LOC128462377: variants seen among roughly 807,000 people sequenced by gnomAD.
the LOC128462377 span, among the ~76,000 whole-genome samples, chr16:89,334,777 C>T: frequency 1.3e-5 from 2 of 152,134 alleles, no homozygotes; most frequent in Non-Finnish European, 2.9e-5. Flanking sequence ...TGCAAAAAGC[C>T]CACCCACGTG....
the LOC128462377 span, among the ~76,000 whole-genome samples, chr16:89,395,217 A>G: frequency 1.3e-5 from 2 of 152,370 alleles, no homozygotes; most frequent in East Asian, 3.9e-4. Flanking sequence ...GCGTCTTAAC[A>G]GAAAGAATTA....
chr16:89,415,576 T>C, the LOC128462377 span, among the ~76,000 whole-genome samples: 1 of 151,638 alleles, frequency 6.6e-6, no homozygotes, highest in African/African-American at 2.4e-5. Flanking sequence ...CTATTCTTTT[T>C]TTAAACCCTG....
At chr16:89,343,353 T>C in the LOC128462377 span, among the ~76,000 whole-genome samples, 4 of 152,244 alleles carry the variant, frequency 2.6e-5, no homozygotes, top group Admixed American at 2.0e-4. Context: ...TGACATTTAG[T>C]TATAAGCTCC....
At chr16:89,381,058 C>A in the LOC128462377 span, among the ~76,000 whole-genome samples, 1 of 152,158 alleles carries the variant, frequency 6.6e-6, no homozygotes, top group African/African-American at 2.4e-5. Flanking sequence ...CGAGGTGGCT[C>A]AGGCCTGTCA....
chr16:89,323,636 C>G, the LOC128462377 span: 3 of 325,010 alleles, frequency 9.2e-6, no homozygotes. Flanking sequence ...GACAGAGGCC[C>G]TCACAGGAAC....
the LOC128462377 span, among the ~76,000 whole-genome samples, chr16:89,321,854 A>G: frequency 6.6e-6 from 1 of 152,204 alleles, no homozygotes; most frequent in African/African-American, 2.4e-5. Flanking sequence ...CTCCTGAGAC[A>G]GCAAGACCCA....
chr16:89,370,276 C>A, the LOC128462377 span, among the ~76,000 whole-genome samples: 4 of 152,200 alleles, frequency 2.6e-5, no homozygotes, highest in Non-Finnish European at 4.4e-5. Flanking sequence ...TGGGCCTGTG[C>A]CCAACTATGT....
At chr16:89,318,516 T>C in the LOC128462377 span, among the ~76,000 whole-genome samples, 7 of 152,278 alleles carry the variant, frequency 4.6e-5, no homozygotes, top group East Asian at 1.2e-3. Flanking sequence ...CATTTACCCA[T>C]CTCGCTCATG....
At chr16:89,322,439 G>A in the LOC128462377 span, among the ~76,000 whole-genome samples, 15 of 152,348 alleles carry the variant, frequency 9.8e-5, no homozygotes, top group African/African-American at 3.4e-4. Context: ...ATCGAATGGT[G>A]CCCAAGGCCC....
chr16:89,336,260 T>C, the LOC128462377 span, among the ~76,000 whole-genome samples: 12 of 152,182 alleles, frequency 7.9e-5, no homozygotes, highest in African/African-American at 2.7e-4. Context: ...CTGGACCTGG[T>C]GCCTGGCTGG....
At chr16:89,345,309 A>G in the LOC128462377 span, among the ~76,000 whole-genome samples, 7 of 148,924 alleles carry the variant, frequency 4.7e-5, no homozygotes, top group African/African-American at 1.5e-4. Context: ...ACGGATGGAA[A>G]GCACTCGACC....
chr16:89,331,997 A>T, the LOC128462377 span, among the ~76,000 whole-genome samples: 7 of 152,088 alleles, frequency 4.6e-5, no homozygotes, highest in Admixed American at 6.5e-5. Context: ...AAAAAAATTT[A>T]AAAACTCAGT....
At chr16:89,334,144 TAAAAAAAAAAAAAAAA>T in the LOC128462377 span, among the ~76,000 whole-genome samples, 3 of 41,416 alleles carry the variant, frequency 7.2e-5, no homozygotes, top group Non-Finnish European at 1.4e-4. Context: ...CCCTGTGTTT[TAAAAAAAAAAAAAAAA>T]AAAAAAAAAA....
At chr16:89,365,195 C>A in the LOC128462377 span, among the ~76,000 whole-genome samples, 13 of 152,276 alleles carry the variant, frequency 8.5e-5, no homozygotes, top group Middle Eastern at 3.4e-3. Context: ...TGATGACTAT[C>A]TTGTTGGCTG....
the LOC128462377 span, among the ~76,000 whole-genome samples, chr16:89,368,815 C>T: frequency 6.6e-6 from 1 of 152,014 alleles, no homozygotes; most frequent in South Asian, 2.1e-4. Context: ...CAGGCGGGAT[C>T]GCTTGAGCCA....
the LOC128462377 span, among the ~76,000 whole-genome samples, chr16:89,407,794 G>A: frequency 2.1e-5 from 3 of 144,624 alleles, no homozygotes; most frequent in African/African-American, 7.8e-5. Flanking sequence ...AGGCTGCAAT[G>A]AGCCGTGATC....
the LOC128462377 span, among the ~76,000 whole-genome samples, chr16:89,371,503 G>A: frequency 6.6e-6 from 1 of 151,832 alleles, no homozygotes; most frequent in Non-Finnish European, 1.5e-5. Context: ...TATGTGGTCT[G>A]TAGTCTGTGC....
At chr16:89,369,142 AC>A in the LOC128462377 span, among the ~76,000 whole-genome samples, 1 of 152,128 alleles carries the variant, frequency 6.6e-6, no homozygotes, top group South Asian at 2.1e-4. Flanking sequence ...GACCAACCAC[AC>A]CAGATCACAG....
the LOC128462377 span, among the ~76,000 whole-genome samples, chr16:89,388,920 T>C: frequency 5.9e-5 from 9 of 152,346 alleles, no homozygotes; most frequent in African/African-American, 2.2e-4. Flanking sequence ...CAAGGAACTA[T>C]GTGGATCCCA....
Sources: allele counts gnomAD v4.1 joint callset (sites outside exome capture counted in the v4.1 genomes callset), GRCh38; gene constraint gnomAD v4.1.1; transcripts MANE v1.5.